Variants in INTS14 observed in about 807,000 individuals in gnomAD.
INTS14 encodes the protein integrator complex subunit 14.
Under a neutral mutation model 56.9 loss-of-function variants are expected in INTS14, and 27 were observed. The observed-to-expected ratio is 0.47, with a 90% CI of 0.35 to 0.65. The LOEUF is 0.65. Among genes scored for constraint, INTS14 ranks in the 30% least tolerant of loss-of-function variants. The pLI is 0.00. For synonymous variants in INTS14, 207 were observed against 236.2 expected (o/e 0.88, Z 1.13); for missense variants, 517 against 632.2 (o/e 0.82, Z 1.95).
At chr15:65,582,288 A>C (rs1180325313) in intron 10 of INTS14, among the ~76,000 whole-genome samples, 1 of 152,140 alleles carries the variant, frequency 6.6e-6, no homozygotes, top group Non-Finnish European at 1.5e-5. Flanking sequence ...ATTGCCAGGG[A>C]CTTTTTTGCA....
At chr15:65,587,443 TG>T (rs71447852) in intron 9 of INTS14, among the ~76,000 whole-genome samples, 30,636 of 152,008 alleles carry the variant, frequency 0.2, 4,116 homozygotes, top group East Asian at 0.73. Flanking sequence ...AAAAAATAAC[TG>T]GGACTGAGCT....
At chr15:65,602,243 A>T (rs573859632) in intron 3 of INTS14, among the ~76,000 whole-genome samples, 1 of 151,748 alleles carries the variant, frequency 6.6e-6, no homozygotes, top group Non-Finnish European at 1.5e-5. Context: ...TGTTTCAAAA[A>T]AATAATAATA....
chr15:65,582,273 C>T lies in INTS14; in HGVS notation c.1240-254G>A, dbSNP rs375412727. On this transcript the variant is annotated intron_variant, in intron 10 of 11. Transcript: ENST00000313182. ...TAAAAATGTACCCAGTAAACCCATACATCTATTGCCAGGGACTTTTTTGCA... is the reference window on the plus strand; with the variant it reads ...TAAAAATGTACCCAGTAAACCCATATATCTATTGCCAGGGACTTTTTTGCA... 8.5e-5 allele frequency among the ~76,000 whole-genome samples: 13 copies of T among 152,278 alleles called. No homozygotes were observed. In the East Asian group the frequency reaches 1.4e-3, roughly 16 times the overall value.
rs764782175 is a variant in INTS14 at position 65,599,008 on chromosome 15, T to A, written c.487-18A>T. 1.9e-6 allele frequency: 3 copies of A among 1,601,076 alleles called. No individual in the cohort carries two copies. The African/African-American group carries it at 4.0e-5, about 21-fold the overall frequency. On this transcript the variant is annotated intron_variant, in intron 4 of 11. Transcript: ENST00000313182. ...CTCTGGAGCTATAAAGCAAAACAGA[T>A]GACCCTTAAAGTGGCTGGCACAAAA... is the stretch of plus-strand genomic sequence containing the variant.
At chr15:65,606,252 CAAA>C (rs372473798) in intron 2 of INTS14, among the ~76,000 whole-genome samples, 3 of 62,416 alleles carry the variant, frequency 4.8e-5, no homozygotes, top group Admixed American at 1.8e-4. Flanking sequence ...GACTCCGTCT[CAAA>C]AAAAAAAAAA....
intron 6 of INTS14, among the ~76,000 whole-genome samples, chr15:65,597,134 C>T (rs1448471795): frequency 1.3e-5 from 2 of 152,138 alleles, no homozygotes; most frequent in Non-Finnish European, 2.9e-5. Flanking sequence ...ACTTTTGGTA[C>T]AACTTAATGT....
chr15:65,606,995 A>G lies in INTS14; in HGVS notation c.222+164T>C, dbSNP rs116976739. Reference sequence around the variant, plus strand: ...TAGCTGTACCGAAGAAACAGTAGGCATAAGACCTACTGGTTGTGAATTCTT... The same window carrying G: ...TAGCTGTACCGAAGAAACAGTAGGCGTAAGACCTACTGGTTGTGAATTCTT... On this transcript the variant is annotated intron_variant, in intron 2 of 11. Coordinates refer to ENST00000313182, the MANE Select transcript of INTS14 (RefSeq NM_001394796.1). Among the ~76,000 whole-genome samples, 120 of 152,374 alleles carry G rather than the reference A, an allele frequency of 7.9e-4. 2 individuals carry two copies. In the East Asian group the frequency reaches 0.02, roughly 26 times the overall value.
At chr15:65,581,403 C>G (rs1488151520) in intron 11 of INTS14, among the ~76,000 whole-genome samples, 3 of 141,102 alleles carry the variant, frequency 2.1e-5, no homozygotes, top group African/African-American at 8.3e-5. Flanking sequence ...CAAAAATTAG[C>G]TGGGCGTGGT....
At position 65,582,021 on chromosome 15, in the gene INTS14, T is replaced by A. The variant is rs1436638665; in HGVS notation, c.1240-2A>T. The A allele has an allele frequency of 6.3e-7, 1 of 1,580,636 alleles. No individual in the cohort carries two copies. The highest frequency in any genetic ancestry group is 8.5e-7 in the Non-Finnish European group (1 of 1,171,582). ...TCTTAAAATCTTCTGTACATCTGTC[T>A]ATTAAGGGTAAAAAAAAAAATCCAA... On this transcript the variant is annotated splice_acceptor_variant, in intron 10 of 11. Coordinates refer to ENST00000313182, the MANE Select transcript of INTS14 (RefSeq NM_001394796.1). LOFTEE classifies it high-confidence loss of function.
chr15:65,606,938 A>G (rs541588506), intron 2 of INTS14, among the ~76,000 whole-genome samples: 9 of 152,310 alleles, frequency 5.9e-5, no homozygotes, highest in African/African-American at 2.2e-4. Context: ...CCAAGAGAGG[A>G]AAATAAGGGA....
intron 8 of INTS14, among the ~76,000 whole-genome samples, chr15:65,592,771 T>G (rs2073075088): frequency 6.6e-6 from 1 of 152,080 alleles, no homozygotes; most frequent in Non-Finnish European, 1.5e-5. Flanking sequence ...ATCCCCTCAT[T>G]TTATAGATGA....
At chr15:65,605,813 T>G (rs2141325368) in intron 2 of INTS14, among the ~76,000 whole-genome samples, 1 of 152,318 alleles carries the variant, frequency 6.6e-6, no homozygotes, top group East Asian at 1.9e-4. Flanking sequence ...ATTTCAGAAC[T>G]GCAGAACATC....
chr15:65,595,600 A>G (rs2073182478), intron 7 of INTS14, 133 bp downstream of exon 7: 1 of 679,222 alleles, frequency 1.5e-6, no homozygotes, highest in African/African-American at 1.9e-5. Context: ...GCAATATTCC[A>G]TTTTCTAAAA....
intron 1 of INTS14, chr15:65,610,867 C>T: frequency 1.3e-6 from 2 of 1,517,422 alleles, no homozygotes; most frequent in Middle Eastern, 2.0e-4. Flanking sequence ...GGGAGCTGAG[C>T]AGAGGGCGAA....
intron 11 of INTS14, among the ~76,000 whole-genome samples, chr15:65,580,995 G>A (rs1476804466): frequency 6.6e-6 from 1 of 152,188 alleles, no homozygotes; most frequent in East Asian, 1.9e-4. Context: ...GGTGGCTCAC[G>A]CTTGTAATCC....
At chr15:65,592,827 T>A (rs557636031) in intron 8 of INTS14, among the ~76,000 whole-genome samples, 1 of 152,170 alleles carries the variant, frequency 6.6e-6, no homozygotes, top group South Asian at 2.1e-4. Flanking sequence ...GTTAGTAGCA[T>A]TGCTATAACC....
chr15:65,601,009 AG>A (rs1162245050), intron 3 of INTS14, among the ~76,000 whole-genome samples: 1 of 152,170 alleles, frequency 6.6e-6, no homozygotes, highest in Non-Finnish European at 1.5e-5. Context: ...ATGTGCTCCT[AG>A]GAAGTACCAG....
chr15:65,588,403 G>A (rs2072904674), intron 9 of INTS14, among the ~76,000 whole-genome samples: 1 of 151,708 alleles, frequency 6.6e-6, no homozygotes, highest in Admixed American at 6.6e-5. Context: ...AGTGGCTCAC[G>A]CCTGTAATCC....
chr15:65,611,123 C>G lies in INTS14; in HGVS notation c.-88G>C. 6.5e-7 allele frequency: 1 copy of G among 1,534,898 alleles called. No homozygotes were observed. Among genetic ancestry groups the G allele is most frequent in the African/African-American group, 1.4e-5 (1 of 73,082 alleles). Reference sequence around the variant, plus strand: ...CCCGTGCCCATCGCCGGACACAGTCCGTCGGCATAAACTTTCCGTCGGCAT... The same window carrying G: ...CCCGTGCCCATCGCCGGACACAGTCGGTCGGCATAAACTTTCCGTCGGCAT... On this transcript the variant is annotated 5_prime_UTR_variant, in exon 1 of 12. Coordinates refer to ENST00000313182, the MANE Select transcript of INTS14 (RefSeq NM_001394796.1).
Sources: allele counts gnomAD v4.1 joint callset (sites outside exome capture counted in the v4.1 genomes callset), GRCh38; gene constraint gnomAD v4.1.1; transcripts MANE v1.5; gene names NCBI Gene and HGNC (gene_info 2026-07-23, HGNC 2026-07-21).